CLNK: variants seen among roughly 807,000 people sequenced by gnomAD.
CLNK encodes cytokine-dependent hematopoietic cell linker.
CLNK carries 74 observed loss-of-function variants against 68.6 expected under a neutral mutation model. The observed-to-expected ratio is 1.08, with a 90% CI of 0.89 to 1.31. The LOEUF is 1.31. Among genes scored for constraint, CLNK ranks in the 50% most tolerant of loss-of-function variants. The probability of loss-of-function intolerance (pLI) is 0.00; values close to 1 mark genes in which losing one functional copy is unlikely to be tolerated. For synonymous variants in CLNK, 198 were observed against 172.2 expected, an observed-to-expected ratio of 1.15 and a Z score of -1.17; for missense variants, 553 against 515.3, an observed-to-expected ratio of 1.07 and a Z score of -0.71.
Position 10,486,545 on chromosome 4 carries a change from T to C in CLNK, c.*3922A>G, listed in dbSNP as rs1716363812. 1 of 152,154 alleles carries C rather than the reference T, an allele frequency of 6.6e-6. No individual in the cohort carries two copies. Among genetic ancestry groups the C allele is most frequent in the Admixed American group, 6.6e-5 (1 of 15,264 alleles). The allele number at this position is 152,154 out of a possible 1,614,324, so 9.4% of individuals were successfully genotyped here. Reference sequence around the variant, plus strand: ...CAATATAGGCTATCATAAAAATTTGTATTTGTGTACACACATACATAATTG... The same window carrying C: ...CAATATAGGCTATCATAAAAATTTGCATTTGTGTACACACATACATAATTG... On this transcript the variant is annotated 3_prime_UTR_variant, in exon 19 of 19. Coordinates refer to ENST00000226951, the MANE Select transcript of CLNK (RefSeq NM_052964.4).
intron 2 of CLNK, 89 bp from the exon 3 acceptor site, chr4:10,598,138 A>T: frequency 1.2e-6 from 1 of 835,678 alleles, no homozygotes; most frequent in Admixed American, 2.4e-5. Context: ...AGAAAGAGCC[A>T]CCCAGTCAGA....
Position 10,513,511 on chromosome 4 carries a change from T to C in CLNK, c.859A>G (p.Lys287Glu). Reference sequence around the variant, plus strand: ...AAAGGTGGTCTCCAGCTTGTGTATTTATAGGGCAGTATATTTTCGTGAGGG... The same window carrying C: ...AAAGGTGGTCTCCAGCTTGTGTATTCATAGGGCAGTATATTTTCGTGAGGG... ...CSPHENILPY[K>E]YTSWRPPFPK... is the part of the protein sequence containing the mutation. The change falls in exon 16 of 19, where the codon AAA becomes GAA. Residue 287 changes from lysine (K) to glutamate (E), a missense_variant. By Grantham distance (56) the Lys-to-Glu change is moderately conservative. Coordinates refer to ENST00000226951, the MANE Select transcript of CLNK (RefSeq NM_052964.4). 1 of 1,612,054 alleles carries C rather than the reference T, an allele frequency of 6.2e-7. No homozygotes were observed.
chr4:10,546,942 A>G (rs1719255992), intron 8 of CLNK, among the ~76,000 whole-genome samples: 1 of 152,176 alleles, frequency 6.6e-6, no homozygotes, highest in African/African-American at 2.4e-5. Flanking sequence ...TGGTAAGGCG[A>G]CTGAGTATGC....
intron 2 of CLNK, among the ~76,000 whole-genome samples, chr4:10,658,322 G>A (rs540913262): frequency 2.0e-5 from 3 of 152,342 alleles, no homozygotes; most frequent in Non-Finnish European, 2.9e-5. Flanking sequence ...ATATCTAACA[G>A]CAAAGGCCCT....
intron 8 of CLNK, among the ~76,000 whole-genome samples, chr4:10,556,102 C>T (rs1217700834): frequency 1.3e-5 from 2 of 152,226 alleles, no homozygotes; most frequent in Admixed American, 6.5e-5. Context: ...CTTTACAAAA[C>T]GCTCATATTT....
At chr4:10,610,785 CA>C (rs1721982881) in intron 2 of CLNK, among the ~76,000 whole-genome samples, 1 of 138,904 alleles carries the variant, frequency 7.2e-6, no homozygotes, top group East Asian at 2.1e-4. Context: ...CACACACACA[CA>C]CACACACACA....
At chr4:10,542,353 T>G (rs1719065433) in intron 8 of CLNK, 73 bp from the exon 9 acceptor site, 1 of 957,476 alleles carries the variant, frequency 1.0e-6, no homozygotes, top group South Asian at 1.5e-5. Flanking sequence ...CACGCTTACA[T>G]GAAAATCATT....
chr4:10,498,552 T>C (rs1396388604), intron 18 of CLNK, among the ~76,000 whole-genome samples: 2 of 152,138 alleles, frequency 1.3e-5, no homozygotes, highest in African/African-American at 4.8e-5. Flanking sequence ...TGAGAAATTC[T>C]ATAAGCTGAG....
intron 14 of CLNK, among the ~76,000 whole-genome samples, chr4:10,522,529 G>A (rs1482819319): frequency 7.3e-6 from 1 of 137,788 alleles, no homozygotes; most frequent in African/African-American, 2.7e-5. Context: ...AGCCGAGATC[G>A]TACCACTGCA....
chr4:10,511,393 T>C (rs1717576787), intron 16 of CLNK, among the ~76,000 whole-genome samples: 1 of 152,238 alleles, frequency 6.6e-6, no homozygotes, highest in Non-Finnish European at 1.5e-5. Context: ...TTAACCATTT[T>C]TAGGTGTATA....
At chr4:10,605,288 C>T (rs564828255) in intron 2 of CLNK, among the ~76,000 whole-genome samples, 10 of 152,126 alleles carry the variant, frequency 6.6e-5, no homozygotes, top group South Asian at 2.1e-4. Flanking sequence ...CGCTTAATGA[C>T]GGGAATGTGT....
the CLNK span, among the ~76,000 whole-genome samples, chr4:10,707,832 C>T: frequency 6.6e-6 from 1 of 152,072 alleles, no homozygotes; most frequent in African/African-American, 2.4e-5. Context: ...TAAACAAGAC[C>T]CAGTGGCCAC....
chr4:10,505,768 C>T (rs1717265841), intron 17 of CLNK, among the ~76,000 whole-genome samples: 1 of 152,192 alleles, frequency 6.6e-6, no homozygotes, highest in Admixed American at 6.5e-5. Flanking sequence ...ATGATAACTT[C>T]CCCATCTCAA....
chr4:10,715,289 G>A, the CLNK span, among the ~76,000 whole-genome samples: 1 of 152,232 alleles, frequency 6.6e-6, no homozygotes, highest in Admixed American at 6.5e-5. Flanking sequence ...ACCTTATTAT[G>A]ACATTTACCA....
rs1054605621 is a variant in CLNK, at chr4:10,537,306, C to T, written c.602+3188G>A. Among the ~76,000 whole-genome samples, 11 of 152,188 alleles carry T rather than the reference C, an allele frequency of 7.2e-5. No homozygotes were observed. In the East Asian group the frequency reaches 7.7e-4, roughly 11 times the overall value. On this transcript the variant is annotated intron_variant, in intron 11 of 18. Coordinates refer to ENST00000226951, the MANE Select transcript of CLNK (RefSeq NM_052964.4). ...CAGCCTGACCAACATGGTAAAACCT[C>T]ATCTCTACTAAAAATATAAAAATTA... is the stretch of plus-strand genomic sequence containing the variant.
the CLNK span, among the ~76,000 whole-genome samples, chr4:10,702,128 T>G: frequency 2.0e-5 from 3 of 152,144 alleles, no homozygotes; most frequent in African/African-American, 7.2e-5. Flanking sequence ...TTGAAGATGT[T>G]TTACATACAG....
intron 2 of CLNK, among the ~76,000 whole-genome samples, chr4:10,605,272 A>G (rs1721743032): frequency 1.3e-5 from 2 of 152,166 alleles, no homozygotes; most frequent in Admixed American, 1.3e-4. Context: ...ATATACAGTG[A>G]CACATCGCTT....
intron 18 of CLNK, among the ~76,000 whole-genome samples, chr4:10,500,994 C>G (rs947948077): frequency 2.0e-5 from 3 of 152,306 alleles, no homozygotes; most frequent in East Asian, 1.9e-4. Context: ...TCCTGGGAGG[C>G]AGAGTTTAGA....
chr4:10,702,298 G>C, the CLNK span, among the ~76,000 whole-genome samples: 1 of 152,028 alleles, frequency 6.6e-6, no homozygotes, highest in Non-Finnish European at 1.5e-5. Flanking sequence ...ACACTCAGCT[G>C]GGAAATATGC....
Sources: allele counts gnomAD v4.1 joint callset (sites outside exome capture counted in the v4.1 genomes callset), GRCh38; gene constraint gnomAD v4.1.1; transcripts MANE v1.5; gene names NCBI Gene and HGNC (gene_info 2026-07-23, HGNC 2026-07-21).